Variants in CSNK2A2IP observed in about 807,000 individuals in gnomAD.
The protein encoded by CSNK2A2IP is casein kinase 2 subunit alpha' interacting protein, also known as casein kinase II subunit alpha'-interacting protein.
At chr3:88,439,498 C>T in the CSNK2A2IP span, among the ~76,000 whole-genome samples, 1 of 151,896 alleles carries the variant, frequency 6.6e-6, no homozygotes, top group African/African-American at 2.4e-5. Context: ...AATCTTGGCA[C>T]TTTGGGAGGC....
At chr3:88,356,794 A>G in the CSNK2A2IP span, among the ~76,000 whole-genome samples, 4 of 152,054 alleles carry the variant, frequency 2.6e-5, no homozygotes, top group Non-Finnish European at 5.9e-5. Flanking sequence ...AGGCCATTTT[A>G]ACTGGGCTGA....
chr3:88,464,187 T>G, the CSNK2A2IP span, among the ~76,000 whole-genome samples: 1 of 140,834 alleles, frequency 7.1e-6, no homozygotes, highest in African/African-American at 2.5e-5. Context: ...GGGGGAGGGA[T>G]AGCATTAGGA....
At chr3:88,436,637 A>C in the CSNK2A2IP span, among the ~76,000 whole-genome samples, 1 of 152,156 alleles carries the variant, frequency 6.6e-6, no homozygotes, top group Non-Finnish European at 1.5e-5. Flanking sequence ...AAAATAATTA[A>C]AGCAGCACTG....
chr3:88,365,943 G>T, the CSNK2A2IP span, among the ~76,000 whole-genome samples: 7 of 152,014 alleles, frequency 4.6e-5, no homozygotes, highest in Non-Finnish European at 7.4e-5. Context: ...TTTTAAGGGG[G>T]TTATTATTTA....
chr3:88,368,405 G>C, the CSNK2A2IP span, among the ~76,000 whole-genome samples: 2 of 152,004 alleles, frequency 1.3e-5, no homozygotes, highest in Admixed American at 6.6e-5. Flanking sequence ...TAGTTAGGCT[G>C]GTTGGAAAAA....
the CSNK2A2IP span, among the ~76,000 whole-genome samples, chr3:88,376,300 C>T: frequency 4.6e-5 from 7 of 151,654 alleles, no homozygotes; most frequent in African/African-American, 9.7e-5. Context: ...TATTTATTTC[C>T]GTATAGTCAG....
At chr3:88,458,450 C>T in the CSNK2A2IP span, among the ~76,000 whole-genome samples, 94 of 152,142 alleles carry the variant, frequency 6.2e-4, no homozygotes, top group African/African-American at 2.1e-3. Flanking sequence ...CATGCCCAGC[C>T]CTCTTTGTTT....
At chr3:88,400,524 G>C in the CSNK2A2IP span, among the ~76,000 whole-genome samples, 1 of 152,156 alleles carries the variant, frequency 6.6e-6, no homozygotes, top group Non-Finnish European at 1.5e-5. Flanking sequence ...GATTATCATG[G>C]ATTATCATAG....
At chr3:88,342,709 TA>T in the CSNK2A2IP span, among the ~76,000 whole-genome samples, 2,807 of 147,934 alleles carry the variant, frequency 0.019, 35 homozygotes, top group Non-Finnish European at 0.028. Context: ...TGAGCAAGGT[TA>T]AAAAAAAAAA....
the CSNK2A2IP span, among the ~76,000 whole-genome samples, chr3:88,414,270 G>GTTTTTTT: frequency 4.4e-4 from 28 of 64,100 alleles, 2 homozygotes; most frequent in African/African-American, 1.2e-3. Context: ...TACCAACAAA[G>GTTTTTTT]TTTTTTTTTT....
the CSNK2A2IP span, among the ~76,000 whole-genome samples, chr3:88,441,957 T>C: frequency 2.0e-5 from 3 of 152,158 alleles, no homozygotes; most frequent in African/African-American, 4.8e-5. Flanking sequence ...AAGCGAAGTT[T>C]AGACAAACTT....
At chr3:88,365,336 A>G in the CSNK2A2IP span, among the ~76,000 whole-genome samples, 1 of 152,286 alleles carries the variant, frequency 6.6e-6, no homozygotes, top group Admixed American at 6.5e-5. Flanking sequence ...ATTTTTGATC[A>G]TTCATATTTA....
chr3:88,425,113 TAAC>T, the CSNK2A2IP span, among the ~76,000 whole-genome samples: 2 of 152,054 alleles, frequency 1.3e-5, no homozygotes, highest in Non-Finnish European at 2.9e-5. Context: ...TAAATAATCT[TAAC>T]TATTATGTAA....
chr3:88,434,435 A>G, the CSNK2A2IP span, among the ~76,000 whole-genome samples: 2 of 152,300 alleles, frequency 1.3e-5, no homozygotes, highest in South Asian at 4.2e-4. Flanking sequence ...TGTGTCCACC[A>G]GTCTGCCAAA....
At chr3:88,444,029 T>C in the CSNK2A2IP span, among the ~76,000 whole-genome samples, 3 of 152,214 alleles carry the variant, frequency 2.0e-5, no homozygotes, top group Admixed American at 2.0e-4. Context: ...TTCTTTATAG[T>C]CACAGATAAT....
the CSNK2A2IP span, among the ~76,000 whole-genome samples, chr3:88,427,445 G>A: frequency 0.49 from 73,826 of 152,094 alleles, 19,518 homozygotes; most frequent in South Asian, 0.63. Context: ...GGAGCCAAAT[G>A]TTAGTCATCA....
the CSNK2A2IP span, among the ~76,000 whole-genome samples, chr3:88,375,834 C>G: frequency 5.9e-5 from 9 of 151,782 alleles, no homozygotes; most frequent in Non-Finnish European, 4.4e-5. Context: ...ACACCATGCT[C>G]TCTTTTTCAA....
chr3:88,387,829 G>C, the CSNK2A2IP span, among the ~76,000 whole-genome samples: 1 of 152,138 alleles, frequency 6.6e-6, no homozygotes, highest in East Asian at 1.9e-4. Context: ...GAGCCCAAGG[G>C]ATCCTTCTGT....
the CSNK2A2IP span, among the ~76,000 whole-genome samples, chr3:88,412,977 C>T: frequency 6.6e-6 from 1 of 151,986 alleles, no homozygotes; most frequent in Non-Finnish European, 1.5e-5. Flanking sequence ...TGATATGGTG[C>T]AAGGGTTAAT....
Sources: allele counts gnomAD v4.1 joint callset (sites outside exome capture counted in the v4.1 genomes callset), GRCh38; gene constraint gnomAD v4.1.1; transcripts MANE v1.5; gene names NCBI Gene and HGNC (gene_info 2026-07-23, HGNC 2026-07-21).